GALNT13: variants seen among roughly 807,000 people sequenced by gnomAD.
GALNT13 encodes polypeptide N-acetylgalactosaminyltransferase 13.
GALNT13 carries 28 observed loss-of-function variants against 64.2 expected under a neutral mutation model. The ratio of observed to expected loss-of-function variants is 0.44; its 90% CI spans 0.32 to 0.60. The LOEUF (loss-of-function observed/expected upper bound fraction) is 0.60, where lower values mean the gene tolerates loss of function less well. Among genes scored for constraint, GALNT13 ranks in the 20% least tolerant of loss-of-function variants. GALNT13 has a pLI of 0.05. For synonymous variants in GALNT13, 214 were observed against 224.6 expected (o/e 0.95, Z 0.42); for missense variants, 577 against 669.8 (o/e 0.86, Z 1.53).
the GALNT13 span, among the ~76,000 whole-genome samples, chr2:153,558,114 C>A: frequency 1.3e-5 from 2 of 152,172 alleles, no homozygotes; most frequent in Admixed American, 6.5e-5. Context: ...CTGGAAGCTC[C>A]TTTACAGCAG....
At chr2:153,673,296 G>C in the GALNT13 span, among the ~76,000 whole-genome samples, 1 of 152,120 alleles carries the variant, frequency 6.6e-6, no homozygotes, top group African/African-American at 2.4e-5. Context: ...GAACATCAAT[G>C]CAAAAATCCT....
At chr2:153,312,739 C>T in the GALNT13 span, among the ~76,000 whole-genome samples, 2 of 152,078 alleles carry the variant, frequency 1.3e-5, no homozygotes, top group East Asian at 1.9e-4. Context: ...TGGGCTAGGC[C>T]ATGTGTCTAT....
the GALNT13 span, chr2:153,356,533 T>A: frequency 6.6e-6 from 1 of 152,190 alleles, no homozygotes; most frequent in Non-Finnish European, 1.5e-5. Flanking sequence ...TTCTATCTCC[T>A]AGTGCTGCAG....
the GALNT13 span, among the ~76,000 whole-genome samples, chr2:153,160,839 T>G: frequency 6.6e-6 from 1 of 152,188 alleles, no homozygotes; most frequent in Non-Finnish European, 1.5e-5. Flanking sequence ...GAGCCAAATT[T>G]CAAGTTATTA....
At chr2:154,340,589 C>T (rs1007294766) in intron 9 of GALNT13, among the ~76,000 whole-genome samples, 1 of 151,954 alleles carries the variant, frequency 6.6e-6, no homozygotes, top group African/African-American at 2.4e-5. Context: ...TTTTCTAAGT[C>T]TCTTCTTCCT....
chr2:153,944,357 T>G, intron 2 of GALNT13, 37 bp from the exon 3 acceptor site: 1 of 661,990 alleles, frequency 1.5e-6, no homozygotes, highest in Non-Finnish European at 2.5e-6. Context: ...AATCTATGTG[T>G]ACAATTAATG....
chr2:153,692,170 A>T, the GALNT13 span, among the ~76,000 whole-genome samples: 1 of 152,312 alleles, frequency 6.6e-6, no homozygotes, highest in African/African-American at 2.4e-5. Context: ...GGTATAAATT[A>T]TATAAACATA....
At chr2:153,342,139 C>T in the GALNT13 span, among the ~76,000 whole-genome samples, 1 of 152,122 alleles carries the variant, frequency 6.6e-6, no homozygotes, top group Admixed American at 6.6e-5. Flanking sequence ...AAGCCATTTG[C>T]AGGAGCAGAC....
At chr2:153,668,952 G>T in the GALNT13 span, among the ~76,000 whole-genome samples, 1 of 152,176 alleles carries the variant, frequency 6.6e-6, no homozygotes, top group Non-Finnish European at 1.5e-5. Context: ...TGTCAGATGA[G>T]GACAGAACAG....
intron 3 of GALNT13, among the ~76,000 whole-genome samples, chr2:154,118,834 G>T (rs1232253632): frequency 6.6e-6 from 1 of 151,896 alleles, no homozygotes; most frequent in Non-Finnish European, 1.5e-5. Context: ...CAACAACTCT[G>T]GACTGTTACT....
At chr2:153,834,139 T>A in the GALNT13 span, among the ~76,000 whole-genome samples, 1 of 152,242 alleles carries the variant, frequency 6.6e-6, no homozygotes, top group African/African-American at 2.4e-5. Flanking sequence ...TAGCTGTTTT[T>A]AGTTAGGCGG....
intron 11 of GALNT13, among the ~76,000 whole-genome samples, chr2:154,422,136 A>G (rs1377559406): frequency 6.6e-6 from 1 of 152,124 alleles, no homozygotes; most frequent in African/African-American, 2.4e-5. Context: ...ATAGAAGGTA[A>G]ATGTCAAGCA....
At chr2:153,283,307 G>A in the GALNT13 span, among the ~76,000 whole-genome samples, 1 of 152,208 alleles carries the variant, frequency 6.6e-6, no homozygotes, top group Non-Finnish European at 1.5e-5. Flanking sequence ...TGCATGGGGA[G>A]GGGGACAGCC....
chr2:153,390,631 C>T, the GALNT13 span, among the ~76,000 whole-genome samples: 23 of 152,008 alleles, frequency 1.5e-4, no homozygotes, highest in Admixed American at 1.5e-3. Flanking sequence ...TATTACATAT[C>T]ATTTACTAAT....
At chr2:153,245,955 A>G in the GALNT13 span, among the ~76,000 whole-genome samples, 35 of 152,234 alleles carry the variant, frequency 2.3e-4, no homozygotes, top group African/African-American at 8.4e-4. Flanking sequence ...AACAACATAA[A>G]TGACCTGATG....
intron 9 of GALNT13, among the ~76,000 whole-genome samples, chr2:154,352,147 T>C (rs1285350127): frequency 6.6e-6 from 1 of 152,220 alleles, no homozygotes; most frequent in Non-Finnish European, 1.5e-5. Flanking sequence ...TAGTATCCCT[T>C]TTAATAAATA....
At chr2:153,353,559 T>C in the GALNT13 span, among the ~76,000 whole-genome samples, 1 of 150,568 alleles carries the variant, frequency 6.6e-6, no homozygotes, top group Admixed American at 6.7e-5. Flanking sequence ...AGTTTTTCAC[T>C]CTTAAGCATG....
chr2:154,031,856 C>T (rs1197859392), intron 3 of GALNT13, among the ~76,000 whole-genome samples: 1 of 151,540 alleles, frequency 6.6e-6, no homozygotes, highest in Non-Finnish European at 1.5e-5. Context: ...ATAAAACAAC[C>T]AAATAGGAAA....
chr2:153,400,286 T>C, the GALNT13 span, among the ~76,000 whole-genome samples: 4 of 152,108 alleles, frequency 2.6e-5, no homozygotes, highest in African/African-American at 9.7e-5. Flanking sequence ...CACTTCATCA[T>C]GGTGGATAAG....
Sources: gnomAD v4.1 joint callset for allele counts (sites outside exome capture counted in the v4.1 genomes callset) on GRCh38, gnomAD v4.1.1 for gene constraint, MANE v1.5 for transcripts, NCBI Gene and HGNC (gene_info 2026-07-23, HGNC 2026-07-21) for gene names.